Variants in CHST9 observed in about 807,000 individuals in gnomAD.
CHST9 encodes carbohydrate sulfotransferase 9.
CHST9 carries 41 observed loss-of-function variants against 44.4 expected under a neutral mutation model. The observed-to-expected ratio is 0.92, with a 90% confidence interval of 0.72 to 1.20. The LOEUF is 1.20. CHST9 is among the 50% of genes most tolerant of loss of function. The pLI is 0.00. For synonymous variants in CHST9, 171 were observed against 178.4 expected, an observed-to-expected ratio of 0.96 and a Z score of 0.33; for missense variants, 504 against 516.5, an observed-to-expected ratio of 0.98 and a Z score of 0.23.
chr18:26,919,675 T>A (rs1349202181), intron 5 of CHST9, among the ~76,000 whole-genome samples: 1 of 152,026 alleles, frequency 6.6e-6, no homozygotes, highest in African/African-American at 2.4e-5. Context: ...CCTCACCAGG[T>A]CTCTTCTCTG....
At chr18:27,086,654 A>C (rs1205232152) in intron 2 of CHST9, among the ~76,000 whole-genome samples, 2 of 152,214 alleles carry the variant, frequency 1.3e-5, no homozygotes, top group African/African-American at 4.8e-5. Flanking sequence ...GGAGTGCTTA[A>C]TATGAAACTA....
intron 4 of CHST9, among the ~76,000 whole-genome samples, chr18:26,962,891 A>C (rs1277688073): frequency 6.6e-6 from 1 of 152,214 alleles, no homozygotes; most frequent in African/African-American, 2.4e-5. Context: ...AGTCAGGTGG[A>C]ACAAACTCAA....
At chr18:27,163,141 A>G (rs535272821) in intron 1 of CHST9, among the ~76,000 whole-genome samples, 3 of 152,322 alleles carry the variant, frequency 2.0e-5, no homozygotes, top group Non-Finnish European at 4.4e-5. Flanking sequence ...ATTGGTGAAC[A>G]GCAGATGTTG....
chr18:27,183,954 T>G (rs2143991932), intron 1 of CHST9, among the ~76,000 whole-genome samples: 1 of 152,172 alleles, frequency 6.6e-6, no homozygotes, highest in South Asian at 2.1e-4. Context: ...CATTTGGATG[T>G]GTATATGTGA....
At chr18:27,057,590 A>T (rs1195572877) in intron 2 of CHST9, among the ~76,000 whole-genome samples, 1 of 152,230 alleles carries the variant, frequency 6.6e-6, no homozygotes, top group Non-Finnish European at 1.5e-5. Context: ...TTAGGCAAAG[A>T]GAGCCATTAT....
chr18:26,909,213 G>A lies in CHST9; in HGVS notation c.*7046C>T, dbSNP rs2055407940. On this transcript the variant is annotated 3_prime_UTR_variant, in exon 6 of 6. Coordinates refer to ENST00000618847, the MANE Select transcript of CHST9 (RefSeq NM_031422.6). ...GAGGACTTTGGTACCAATACCCACT[G>A]ACAATTCTCTGAGCTGAGAGTTGTT... The A allele has an allele frequency of 6.6e-6, 1 of 152,188 alleles. No individual in the cohort carries two copies. The highest frequency in any genetic ancestry group is 1.5e-5 in the Non-Finnish European group (1 of 68,044). The allele number at this position is 152,188 out of a possible 1,614,324, so 9.4% of individuals were successfully genotyped here.
intron 2 of CHST9, among the ~76,000 whole-genome samples, chr18:27,099,032 G>A (rs11661254): frequency 0.45 from 67,645 of 151,770 alleles, 15,742 homozygotes; most frequent in East Asian, 0.65. Flanking sequence ...CAAGAAATAA[G>A]GTTGCATGCC....
chr18:26,953,012 C>T (rs900774308), intron 4 of CHST9, among the ~76,000 whole-genome samples: 1 of 152,178 alleles, frequency 6.6e-6, no homozygotes, highest in Admixed American at 6.5e-5. Flanking sequence ...TTAACTCATG[C>T]AGGAATATGT....
intron 4 of CHST9, among the ~76,000 whole-genome samples, chr18:27,015,439 G>A (rs1202104314): frequency 6.6e-6 from 1 of 151,774 alleles, no homozygotes; most frequent in Non-Finnish European, 1.5e-5. Context: ...GCCAGTGTAG[G>A]GCGTGGAATC....
At chr18:26,987,624 T>C (rs2056769211) in intron 4 of CHST9, among the ~76,000 whole-genome samples, 1 of 152,194 alleles carries the variant, frequency 6.6e-6, no homozygotes, top group Admixed American at 6.5e-5. Flanking sequence ...ATACACCAAG[T>C]GGTACAATGT....
At chr18:27,161,676 T>C (rs2058748339) in intron 1 of CHST9, among the ~76,000 whole-genome samples, 1 of 152,130 alleles carries the variant, frequency 6.6e-6, no homozygotes, top group Non-Finnish European at 1.5e-5. Flanking sequence ...TAACTTTCTG[T>C]CTCGTTGATC....
chr18:27,142,423 T>C (rs947982451), intron 2 of CHST9, among the ~76,000 whole-genome samples: 1 of 152,190 alleles, frequency 6.6e-6, no homozygotes, highest in African/African-American at 2.4e-5. Context: ...ACAAATTCTC[T>C]ACAAGCAGTT....
chr18:26,989,615 G>A (rs1260551457), intron 4 of CHST9, among the ~76,000 whole-genome samples: 1 of 152,208 alleles, frequency 6.6e-6, no homozygotes, highest in East Asian at 1.9e-4. Flanking sequence ...ACAAACACTT[G>A]TAAACAAATG....
intron 3 of CHST9, among the ~76,000 whole-genome samples, chr18:27,040,288 C>A (rs745327801): frequency 6.6e-6 from 1 of 152,132 alleles, no homozygotes; most frequent in South Asian, 2.1e-4. Flanking sequence ...GGGATCATCC[C>A]ACCCTTTAAA....
At chr18:26,956,516 A>G (rs2056327862) in intron 4 of CHST9, among the ~76,000 whole-genome samples, 1 of 150,114 alleles carries the variant, frequency 6.7e-6, no homozygotes, top group Non-Finnish European at 1.5e-5. Flanking sequence ...ACACACAATT[A>G]TATTATTTTT....
chr18:26,947,078 G>A (rs1227561973), intron 4 of CHST9, among the ~76,000 whole-genome samples: 1 of 152,010 alleles, frequency 6.6e-6, no homozygotes, highest in Non-Finnish European at 1.5e-5. Context: ...AGCTTGATGG[G>A]GATAGCATTA....
Position 26,912,372 on chromosome 18 carries a change from A to ACAC in CHST9, c.*3886_*3887insGTG, listed in dbSNP as rs879577787. 1.4e-5 allele frequency: 2 copies of ACAC among 146,098 alleles called. No homozygotes were observed. Among genetic ancestry groups the ACAC allele is most frequent in the Admixed American group, 6.9e-5 (1 of 14,566 alleles). The allele number at this position is 146,098 out of a possible 1,614,324, so 9.1% of individuals were successfully genotyped here. A position where few individuals can be genotyped will look rare whatever the true frequency, so the allele number is the denominator to read the frequency against. On this transcript the variant is annotated 3_prime_UTR_variant, in exon 6 of 6. Coordinates refer to ENST00000618847, the MANE Select transcript of CHST9 (RefSeq NM_031422.6). ...TTGAAATGTGATAACTAACTAGCTA[A>ACAC]ATACACACACACACACACACACACA...
chr18:27,122,448 T>A (rs1217816006), intron 2 of CHST9, among the ~76,000 whole-genome samples: 1 of 152,158 alleles, frequency 6.6e-6, no homozygotes, highest in Non-Finnish European at 1.5e-5. Flanking sequence ...TAAAAGTTAA[T>A]GAAAAATCAG....
intron 5 of CHST9, among the ~76,000 whole-genome samples, chr18:26,926,714 T>A (rs232332): frequency 0.43 from 65,173 of 151,988 alleles, 14,421 homozygotes; most frequent in East Asian, 0.71. Context: ...TAGCAGAATA[T>A]CTTGTTTTTT....
Sources: allele counts gnomAD v4.1 joint callset (sites outside exome capture counted in the v4.1 genomes callset), GRCh38; gene constraint gnomAD v4.1.1; transcripts MANE v1.5; gene names NCBI Gene and HGNC (gene_info 2026-07-23, HGNC 2026-07-21).